Variants in PRR5 observed in about 807,000 individuals in gnomAD.
PRR5 encodes proline rich 5.
PRR5 carries 25 observed loss-of-function variants against 30.6 expected under a neutral mutation model. The observed-to-expected ratio is 0.82, with a 90% CI of 0.60 to 1.14. PRR5 has a LOEUF of 1.14. Among genes scored for constraint, PRR5 ranks in the 50% most tolerant of loss-of-function variants. The pLI is 0.00. For synonymous variants in PRR5, 286 were observed against 247.1 expected, an observed-to-expected ratio of 1.16 and a Z score of -1.48; for missense variants, 600 against 547.1, an observed-to-expected ratio of 1.10 and a Z score of -0.96.
chr22:44,726,186 C>T (rs971137744), intron 3 of PRR5, among the ~76,000 whole-genome samples: 1 of 152,216 alleles, frequency 6.6e-6, no homozygotes, highest in Non-Finnish European at 1.5e-5. Flanking sequence ...GGCAGTGCGT[C>T]CAGGGTCCCT....
chr22:44,678,516 T>C (rs1601946652), intron 1 of PRR5, among the ~76,000 whole-genome samples: 1 of 152,044 alleles, frequency 6.6e-6, no homozygotes, highest in African/African-American at 2.4e-5. Flanking sequence ...AGTTTCACCA[T>C]GTTGGCCAGG....
intron 2 of PRR5, among the ~76,000 whole-genome samples, chr22:44,720,154 A>C (rs1378010853): frequency 2.0e-5 from 3 of 152,048 alleles, no homozygotes; most frequent in Non-Finnish European, 4.4e-5. Flanking sequence ...GTCCCCTCCC[A>C]CTGTCAGGGA....
At chr22:44,732,815 A>G (rs28578540) in intron 6 of PRR5, among the ~76,000 whole-genome samples, 2 of 109,700 alleles carry the variant, frequency 1.8e-5, no homozygotes, top group African/African-American at 6.4e-5. Context: ...CATACACACT[A>G]CACGTGTGCA....
chr22:44,687,912 C>G (rs1254586633), intron 1 of PRR5, among the ~76,000 whole-genome samples: 1 of 151,912 alleles, frequency 6.6e-6, no homozygotes, highest in Non-Finnish European at 1.5e-5. Context: ...GTAGCTGGGA[C>G]TACAGGCGTC....
At position 44,684,668 on chromosome 22, in the gene PRR5, C is replaced by A. The variant is rs115528700; in HGVS notation, c.-11+7428C>A. Among the ~76,000 whole-genome samples the A allele has an allele frequency of 9.8e-3, 1,490 of 152,362 alleles. 16 individuals carry two copies. The highest frequency in any genetic ancestry group is 0.031 in the African/African-American group (1,306 of 41,586). ...GCTGCCTGGTGTTGCCCAGCTTGCA[C>A]CCGCCCCCAGCTCTCTGCCCAGGGC... is the stretch of plus-strand genomic sequence containing the variant. On this transcript the variant is annotated intron_variant, in intron 1 of 8. Transcript: ENST00000006251.
intron 4 of PRR5, among the ~76,000 whole-genome samples, chr22:44,727,961 C>G (rs5765943): frequency 0.79 from 120,828 of 152,276 alleles, 48,942 homozygotes; most frequent in East Asian, 1. Context: ...TGGCACCTGA[C>G]GAAGATGGCC....
intron 1 of PRR5, among the ~76,000 whole-genome samples, chr22:44,694,465 G>A (rs572575896): frequency 3.3e-5 from 5 of 152,296 alleles, no homozygotes; most frequent in African/African-American, 1.2e-4. Flanking sequence ...CCTGGGAGGT[G>A]GAGGTTGTAG....
intron 7 of PRR5, among the ~76,000 whole-genome samples, chr22:44,736,245 C>T (rs992839060): frequency 6.6e-6 from 1 of 152,208 alleles, no homozygotes; most frequent in African/African-American, 2.4e-5. Flanking sequence ...TCCCCGCATC[C>T]CCAGGATGGA....
At chr22:44,704,379 C>T (rs1318709314) in intron 1 of PRR5, among the ~76,000 whole-genome samples, 2 of 152,114 alleles carry the variant, frequency 1.3e-5, no homozygotes, top group Non-Finnish European at 2.9e-5. Flanking sequence ...TAGACACTGC[C>T]CTCACCCAAC....
At chr22:44,733,850 C>T (rs1429545634) in intron 6 of PRR5, among the ~76,000 whole-genome samples, 2 of 152,150 alleles carry the variant, frequency 1.3e-5, no homozygotes, top group South Asian at 2.1e-4. Flanking sequence ...AGAGTTCAGG[C>T]GACTTTGCTC....
Position 44,702,307 on chromosome 22 carries a change from A to G in PRR5, c.-168A>G, listed in dbSNP as rs10154351. 4.6e-3 allele frequency: 5,325 copies of G among 1,147,918 alleles called. 230 individuals carry two copies. In the African/African-American group the frequency reaches 0.078, roughly 17 times the overall value. 71.1% of individuals were successfully genotyped at this position (1,147,918 alleles called of 1,614,324 possible). A position where few individuals can be genotyped will look rare whatever the true frequency, so the allele number is the denominator to read the frequency against. On this transcript the variant is annotated 5_prime_UTR_variant, in exon 1 of 8. Coordinates refer to ENST00000336985, the MANE Select transcript of PRR5 (RefSeq NM_181333.4). ...GGCGGGGCGGCCGGCGCGGGACCCG[A>G]GACGGAGGCGCGGGGCCGGGGCGGG...
chr22:44,683,689 CTGAT>C (rs1017749725), intron 1 of PRR5, among the ~76,000 whole-genome samples: 5 of 152,242 alleles, frequency 3.3e-5, no homozygotes, highest in South Asian at 2.1e-4. Flanking sequence ...ATCAGGTCCT[CTGAT>C]TGGCCTCAGA....
At chr22:44,699,019 G>C (rs1165294868), upstream of PRR5, among the ~76,000 whole-genome samples, 5 of 152,096 alleles carry the variant, frequency 3.3e-5, no homozygotes, top group African/African-American at 4.8e-5. Flanking sequence ...TCCTGGCGCT[G>C]GGCTGTTGGG....
At position 44,718,192 on chromosome 22, in the gene PRR5, C is replaced by CTCTTTTT. The variant is rs1555901074; in HGVS notation, c.215+3522_215+3523insCTTTTTT. ...TGTGTGGATGCACGTTTTCATCTCT[C>CTCTTTTT]TTTTTTTTTTTTTTTTTTTTGAGAC... On this transcript the variant is annotated intron_variant, in intron 2 of 7. Transcript: ENST00000336985. Among the ~76,000 whole-genome samples, 219 of 94,594 alleles carry CTCTTTTT rather than the reference C, an allele frequency of 2.3e-3. 2 individuals carry two copies. The highest frequency in any genetic ancestry group is 8.7e-3 in the African/African-American group (205 of 23,516). The allele number at this position is 94,594 out of a possible 152,430, so 62.1% of individuals were successfully genotyped here. A position where few individuals can be genotyped will look rare whatever the true frequency, so the allele number is the denominator to read the frequency against.
In PRR5 at chr22:44,695,668, G is replaced by A. The variant is rs79057930; in HGVS notation, c.-10-6824G>A. Among the ~76,000 whole-genome samples, 901 of 143,796 alleles carry A rather than the reference G, an allele frequency of 6.3e-3. 8 individuals are homozygous for A. The highest frequency in any genetic ancestry group is 0.022 in the African/African-American group (842 of 38,826). 94.3% of individuals were successfully genotyped at this position (143,796 alleles called of 152,430 possible). On this transcript the variant is annotated intron_variant, in intron 1 of 8. Coordinates refer to the PRR5 transcript ENST00000006251. ...GGCTGGAGTGCAATGGCTCAGTCTG[G>A]GCTTACTGCAACCTCTACCTCCCGG... is the stretch of plus-strand genomic sequence containing the variant.
chr22:44,688,221 T>C, intron 1 of PRR5, among the ~76,000 whole-genome samples: 1 of 151,460 alleles, frequency 6.6e-6, no homozygotes, highest in East Asian at 2.0e-4. Flanking sequence ...CCGTCTCTAC[T>C]AAAAATACAA....
At chr22:44,734,633 AGCCCCAG>A (rs1424713118) in intron 6 of PRR5, 7 of 185,810 alleles carry the variant, frequency 3.8e-5, no homozygotes, top group African/African-American at 1.6e-4. Flanking sequence ...TGGGGCAGGG[AGCCCCAG>A]GTGAGCAGCT....
At chr22:44,668,939 TGCGCGCGTAGGTGCGC>T (rs933666536) in intron 1 of PRR5, 17 of 148,020 alleles carry the variant, frequency 1.1e-4, no homozygotes, top group South Asian at 6.1e-4. Context: ...CGCGTGTGTG[TGCGCGCGTAGGTGCGC>T]GCGCGCGCGA....
At position 44,702,436 on chromosome 22, in the gene PRR5, G is replaced by A. The variant is rs949198999; in HGVS notation, c.-39G>A. 10 of 1,287,204 alleles carry A rather than the reference G, an allele frequency of 7.8e-6. No homozygotes were observed. The African/African-American group carries it at 1.1e-4, about 14-fold the overall frequency. 79.7% of individuals were successfully genotyped at this position (1,287,204 alleles called of 1,614,324 possible). A position where few individuals can be genotyped will look rare whatever the true frequency, so the allele number is the denominator to read the frequency against. ...TGCGGCGTGGCGCAGGGCGCGGCGT[G>A]GGGCGCGCGTGGGCGCGGCGCAGGC... On this transcript the variant is annotated 5_prime_UTR_variant, in exon 1 of 8. Coordinates refer to ENST00000336985, the MANE Select transcript of PRR5 (RefSeq NM_181333.4).
Sources: gnomAD v4.1 joint callset for allele counts (sites outside exome capture counted in the v4.1 genomes callset) on GRCh38, gnomAD v4.1.1 for gene constraint, MANE v1.5 for transcripts, NCBI Gene and HGNC (gene_info 2026-07-23, HGNC 2026-07-21) for gene names.